Variants in OR10H5 observed in about 807,000 individuals in gnomAD.
OR10H5 encodes the protein olfactory receptor 10H5.
In OR10H5, 7 loss-of-function variants were observed where a neutral mutation model predicts 12.2. The ratio of observed to expected loss-of-function variants is 0.57; its 90% CI spans 0.33 to 1.07. OR10H5 has a LOEUF of 1.07. OR10H5 is among the 50% of genes least tolerant of loss of function. The pLI is 0.04. For missense variants in OR10H5, 346 were observed against 411.6 expected, an observed-to-expected ratio of 0.84 and a Z score of 1.38; for synonymous variants, 159 against 175.1, an observed-to-expected ratio of 0.91 and a Z score of 0.73.
chr19:15,789,849 A>T (rs7249737), intron 1 of OR10H5, among the ~76,000 whole-genome samples: 1 of 149,336 alleles, frequency 6.7e-6, no homozygotes, highest in Non-Finnish European at 1.5e-5. Context: ...TGGCATGAAC[A>T]TGGCTCACTG....
In OR10H5 at chr19:15,794,802, C is replaced by T. The variant is rs1262870674; in HGVS notation, c.754C>T (p.His252Tyr). 2 of 1,614,124 alleles carry T rather than the reference C, an allele frequency of 1.2e-6. No individual in the cohort carries two copies. The highest frequency in any genetic ancestry group is 2.2e-5 in the South Asian group (2 of 91,070). ...CASHLTVVVV[H>Y]YGFASVIYLK... ...CTCTCACCTCACTGTGGTGGTCGTGCACTATGGCTTTGCCTCCGTCATTTA... is the reference window on the plus strand; with the variant it reads ...CTCTCACCTCACTGTGGTGGTCGTGTACTATGGCTTTGCCTCCGTCATTTA... The change falls in exon 2 of 2, where the codon CAC (histidine) becomes TAC (tyrosine). Residue 252 changes from histidine (H) to tyrosine (Y), a missense_variant. Transcript: ENST00000642092.
chr19:15,795,353 T>A lies in OR10H5; in HGVS notation c.*357T>A, dbSNP rs2088835049. 1 of 226,672 alleles carries A rather than the reference T, an allele frequency of 4.4e-6. No homozygotes were observed. The highest frequency in any genetic ancestry group is 2.3e-5 in the African/African-American group (1 of 43,396). The allele number at this position is 226,672 out of a possible 1,614,324, so 14.0% of individuals were successfully genotyped here. A position where few individuals can be genotyped will look rare whatever the true frequency, so the allele number is the denominator to read the frequency against. ...TGTTTTTGTTTTTGTTTTGACTGAG[T>A]CTCGTTCTGTCACCCAGGTTGGAGT... On this transcript the variant is annotated 3_prime_UTR_variant, in exon 2 of 2. Coordinates refer to ENST00000642092, the MANE Select transcript of OR10H5 (RefSeq NM_001004466.2).
At chr19:15,793,260 C>T (rs1011158339) in intron 1 of OR10H5, among the ~76,000 whole-genome samples, 1 of 152,128 alleles carries the variant, frequency 6.6e-6, no homozygotes, top group Non-Finnish European at 1.5e-5. Flanking sequence ...GCCAGGACCA[C>T]AGACATGCAC....
Position 15,794,516 on chromosome 19 carries a change from G to A in OR10H5, c.468G>A (p.Gly156=), listed in dbSNP as rs201522129. 4.7e-5 allele frequency: 76 copies of A among 1,613,936 alleles called. No individual in the cohort carries two copies. Among genetic ancestry groups the A allele is most frequent in the African/African-American group, 4.0e-4 (30 of 74,926 alleles). ...GCSWAGGLVM[G]MVVTSAIFHL... is the part of the protein sequence containing the mutation. Reference sequence around the variant, plus strand: ...CCTGGGCTGGTGGCTTGGTCATGGGGATGGTGGTGACCTCGGCCATTTTCC... The same window carrying A: ...CCTGGGCTGGTGGCTTGGTCATGGGAATGGTGGTGACCTCGGCCATTTTCC... The change falls in exon 2 of 2, where the codon GGG becomes GGA. Residue 156 remains glycine (G), a synonymous_variant. Coordinates refer to ENST00000642092, the MANE Select transcript of OR10H5 (RefSeq NM_001004466.2).
chr19:15,790,129 G>A (rs2088802999), intron 1 of OR10H5, among the ~76,000 whole-genome samples: 1 of 152,214 alleles, frequency 6.6e-6, no homozygotes, highest in South Asian at 2.1e-4. Context: ...TTAGGAGCAG[G>A]GACCTTGGAG....
In OR10H5 at chr19:15,799,519, A is replaced by C. The variant is rs984597471; in HGVS notation, c.*4523A>C. On this transcript the variant is annotated 3_prime_UTR_variant, in exon 2 of 2. Transcript: ENST00000642092. ...AATTTAAAACAGGATTAAGTGCCAA[A>C]AGTTCAGTGAAAACACAGCCACATC... 2.0e-5 allele frequency: 3 copies of C among 152,122 alleles called. No individual in the cohort carries two copies. Among genetic ancestry groups the C allele is most frequent in the Non-Finnish European group, 4.4e-5 (3 of 68,022 alleles). 9.4% of individuals were successfully genotyped at this position (152,122 alleles called of 1,614,324 possible).
At chr19:15,792,195 A>G (rs1350946752) in intron 1 of OR10H5, among the ~76,000 whole-genome samples, 5 of 151,622 alleles carry the variant, frequency 3.3e-5, no homozygotes, top group South Asian at 2.1e-4. Context: ...TGTTATTTCT[A>G]TTTTTCATTA....
rs553285629 is a variant in OR10H5 at position 15,795,864 on chromosome 19, C to T, written c.*868C>T. On this transcript the variant is annotated 3_prime_UTR_variant, in exon 2 of 2. Transcript: ENST00000642092. ...CAATCATGGCTAAGTGCAGCGTCAA[C>T]TTCTGGGCTCAAGCAATTCTCCCAC... 6.6e-6 allele frequency: 1 copy of T among 152,360 alleles called. No homozygotes were observed. The highest frequency in any genetic ancestry group is 1.5e-5 in the Non-Finnish European group (1 of 68,192). The allele number at this position is 152,360 out of a possible 1,614,324, so 9.4% of individuals were successfully genotyped here.
At chr19:15,792,863 G>C (rs7246118) in intron 1 of OR10H5, among the ~76,000 whole-genome samples, 24,048 of 151,838 alleles carry the variant, frequency 0.16, 2,000 homozygotes, top group South Asian at 0.21. Flanking sequence ...GTCAATTTGG[G>C]ATTATTATCC....
At chr19:15,793,879 AAAAACT>A in intron 1 of OR10H5, 153 bp from the exon 2 acceptor site, 1 of 680,166 alleles carries the variant, frequency 1.5e-6, no homozygotes, top group Non-Finnish European at 2.4e-6. Context: ...ACCCCATCTC[AAAAACT>A]AAAACTAAAA....
Position 15,794,935 on chromosome 19 carries a change from A to C in OR10H5, c.887A>C (p.Lys296Thr). The C allele has an allele frequency of 6.2e-7, 1 of 1,614,218 alleles. No individual in the cohort carries two copies. Residue 296 changes from lysine to threonine, a missense_variant, in exon 2 of 2, where the codon AAG (lysine) becomes ACG (threonine). Transcript: ENST00000642092. ...CCCATCATCTTCAGCCTCAGGAACAAGGAGCTGAAGGTCGCCATGAAGAAG... is the reference window on the plus strand; with the variant it reads ...CCCATCATCTTCAGCCTCAGGAACACGGAGCTGAAGGTCGCCATGAAGAAG... ...LSPIIFSLRN[K>T]ELKVAMKKTC...
chr19:15,794,212 T>A lies in OR10H5; in HGVS notation c.164T>A (p.Leu55His). 1.2e-6 allele frequency: 2 copies of A among 1,614,114 alleles called. No individual in the cohort carries two copies. The highest frequency in any genetic ancestry group is 1.7e-6 in the Non-Finnish European group (2 of 1,180,018). The change falls in exon 2 of 2, where the codon CTC becomes CAC. Residue 55 changes from leucine to histidine, a missense_variant. By Grantham distance (99) the Leu-to-His change is moderately conservative. Transcript: ENST00000642092. ...GCCACTGTCTGGAGCGAGCGCAGCCTCCACATGCCCATGTACCTCTTCCTG... is the reference window on the plus strand; with the variant it reads ...GCCACTGTCTGGAGCGAGCGCAGCCACCACATGCCCATGTACCTCTTCCTG... The part of the protein sequence containing the change: ...IMATVWSERS[L>H]HMPMYLFLCA...
chr19:15,793,257 C>T lies in OR10H5; in HGVS notation c.-11-781C>T, dbSNP rs527344648. 5.9e-5 allele frequency among the ~76,000 whole-genome samples: 9 copies of T among 152,184 alleles called. No individual in the cohort carries two copies. The South Asian group carries it at 1.0e-3, about 18-fold the overall frequency. On this transcript the variant is annotated intron_variant, in intron 1 of 1. Coordinates refer to ENST00000642092, the MANE Select transcript of OR10H5 (RefSeq NM_001004466.2). ...ACCTCAGCCTCTCAACTAGCCAGGA[C>T]CACAGACATGCACCACAATGTGTGG...
At chr19:15,789,126 A>G (rs187953425) in intron 1 of OR10H5, among the ~76,000 whole-genome samples, 1 of 152,220 alleles carries the variant, frequency 6.6e-6, no homozygotes, top group East Asian at 1.9e-4. Flanking sequence ...TTTTGGAGGG[A>G]CATGATTCAA....
At chr19:15,792,388 T>G (rs2088813447) in intron 1 of OR10H5, among the ~76,000 whole-genome samples, 1 of 152,202 alleles carries the variant, frequency 6.6e-6, no homozygotes, top group Admixed American at 6.5e-5. Context: ...ACCTGGGTCT[T>G]TCTTTTATTA....
In OR10H5 at chr19:15,795,077, C is replaced by G. The variant is rs990970086; in HGVS notation, c.*81C>G. 2.9e-4 allele frequency: 341 copies of G among 1,182,778 alleles called. No homozygotes were observed. The highest frequency in any genetic ancestry group is 3.9e-4 in the Non-Finnish European group (332 of 841,730). 73.3% of individuals were successfully genotyped at this position (1,182,778 alleles called of 1,614,324 possible). On this transcript the variant is annotated 3_prime_UTR_variant, in exon 2 of 2. Transcript: ENST00000642092. Reference sequence around the variant, plus strand: ...CTTTATTTCTTTTCCTTTCCTCCCTCCCTCCTTTCCTCCCTCCCTCCCTTC... The same window carrying G: ...CTTTATTTCTTTTCCTTTCCTCCCTGCCTCCTTTCCTCCCTCCCTCCCTTC...
intron 1 of OR10H5, among the ~76,000 whole-genome samples, chr19:15,792,462 CTTTG>C (rs775298443): frequency 3.9e-5 from 6 of 152,054 alleles, no homozygotes; most frequent in East Asian, 1.9e-4. Context: ...ATCTTAAATT[CTTTG>C]TTTGTTTGTT....
intron 1 of OR10H5, among the ~76,000 whole-genome samples, chr19:15,791,754 G>C (rs186517177): frequency 6.6e-6 from 1 of 151,084 alleles, no homozygotes; most frequent in Non-Finnish European, 1.5e-5. Flanking sequence ...GTGCAGTGGC[G>C]CCATCTCGGC....
Position 15,795,174 on chromosome 19 carries a change from C to A in OR10H5, c.*178C>A. ...GACCTACAGTCCACCCTCCCTCCCC[C>A]CTCCTCCTTGCCTTCCTTCCATCCT... is the stretch of plus-strand genomic sequence containing the variant. On this transcript the variant is annotated 3_prime_UTR_variant, in exon 2 of 2. Transcript: ENST00000642092. 3.4e-6 allele frequency: 2 copies of A among 591,322 alleles called. No individual in the cohort carries two copies. Among genetic ancestry groups the A allele is most frequent in the Non-Finnish European group, 5.8e-6 (2 of 344,396 alleles). 36.6% of individuals were successfully genotyped at this position (591,322 alleles called of 1,614,324 possible).
Sources: gnomAD v4.1 joint callset for allele counts (sites outside exome capture counted in the v4.1 genomes callset) on GRCh38, gnomAD v4.1.1 for gene constraint, MANE v1.5 for transcripts, NCBI Gene and HGNC (gene_info 2026-07-23, HGNC 2026-07-21) for gene names.